MSH3: variants seen among roughly 807,000 people sequenced by gnomAD.
The protein encoded by MSH3 is DNA mismatch repair protein Msh3.
Under a neutral mutation model 123.3 loss-of-function variants are expected in MSH3, and 106 were observed. The observed-to-expected ratio is 0.86, with a 90% CI of 0.73 to 1.01. The LOEUF is 1.01. Ranked by LOEUF, MSH3 falls within the 50% of genes least tolerant of loss-of-function variation. The pLI, the probability that MSH3 is intolerant of heterozygous loss-of-function variation, is 0.00. For missense variants in MSH3, 1,459 were observed against 1,347.6 expected (o/e 1.08, Z -1.29); for synonymous variants, 515 against 481.4 (o/e 1.07, Z -0.91).
Position 80,876,540 on chromosome 5 carries a change from A to C in MSH3, c.*678A>C, listed in dbSNP as rs1746310836. ...GCTACTCCGGAGGCTGAGGCAGGAG[A>C]ATCTCTTGAACCTGGGAGGCGGAGG... On this transcript the variant is annotated 3_prime_UTR_variant, in exon 24 of 24. Transcript: ENST00000265081. The C allele has an allele frequency of 6.5e-6, 1 of 153,130 alleles. No individual in the cohort carries two copies. The highest frequency in any genetic ancestry group is 2.1e-4 in the South Asian group (1 of 4,820). The allele number at this position is 153,130 out of a possible 1,614,324, so 9.5% of individuals were successfully genotyped here.
intron 20 of MSH3, among the ~76,000 whole-genome samples, chr5:80,841,367 G>A (rs577823259): frequency 2.0e-5 from 3 of 152,192 alleles, no homozygotes; most frequent in Non-Finnish European, 4.4e-5. Context: ...ATGAACGTAC[G>A]TGTGCATGTG....
chr5:80,858,390 A>G (rs1311234665), intron 21 of MSH3, among the ~76,000 whole-genome samples: 1 of 152,162 alleles, frequency 6.6e-6, no homozygotes, highest in Non-Finnish European at 1.5e-5. Flanking sequence ...GCGGTTCCAC[A>G]AATTTTGATA....
At chr5:80,784,213 A>C (rs1387373638) in intron 17 of MSH3, among the ~76,000 whole-genome samples, 3 of 82,442 alleles carry the variant, frequency 3.6e-5, no homozygotes, top group African/African-American at 5.7e-5. Context: ...ACTACGTCGC[A>C]AAAAAAAAAA....
chr5:80,797,956 CTT>C (rs553888116), intron 19 of MSH3, among the ~76,000 whole-genome samples: 206 of 148,178 alleles, frequency 1.4e-3, no homozygotes, highest in African/African-American at 4.8e-3. Context: ...CCAAATGACT[CTT>C]TTTTTTTTAG....
At chr5:80,819,386 ATGTATATATG>A (rs1250294840) in intron 20 of MSH3, among the ~76,000 whole-genome samples, 5 of 62,336 alleles carry the variant, frequency 8.0e-5, no homozygotes, top group African/African-American at 1.1e-4. Context: ...ATGTGTATAT[ATGTATATATG>A]TGTATATATG....
chr5:80,814,367 G>T (rs1466722740), intron 20 of MSH3, among the ~76,000 whole-genome samples: 1 of 152,154 alleles, frequency 6.6e-6, no homozygotes, highest in African/African-American at 2.4e-5. Context: ...TGCCTCCCCA[G>T]TTCAAGCTAT....
At chr5:80,856,770 C>T (rs1745927947) in intron 21 of MSH3, among the ~76,000 whole-genome samples, 1 of 152,154 alleles carries the variant, frequency 6.6e-6, no homozygotes, top group Non-Finnish European at 1.5e-5. Context: ...ATCCTGCAAC[C>T]TTGCTGTAAT....
intron 12 of MSH3, 152 bp from the exon 13 acceptor site, chr5:80,761,394 G>A: frequency 1.1e-6 from 1 of 930,814 alleles, no homozygotes; most frequent in Admixed American, 2.0e-5. Flanking sequence ...TTTTGTCAGG[G>A]AGTCCTTCCC....
chr5:80,786,282 A>G (rs1337475008), intron 17 of MSH3, among the ~76,000 whole-genome samples: 1 of 152,184 alleles, frequency 6.6e-6, no homozygotes, highest in Non-Finnish European at 1.5e-5. Flanking sequence ...GGTGATAGGA[A>G]GAGCACAGTT....
intron 17 of MSH3, among the ~76,000 whole-genome samples, chr5:80,783,744 G>A (rs1316765710): frequency 6.6e-6 from 1 of 152,076 alleles, no homozygotes; most frequent in African/African-American, 2.4e-5. Flanking sequence ...TTGACCATTT[G>A]TTACTGCTAA....
At chr5:80,693,062 T>C (rs1428289890) in intron 8 of MSH3, among the ~76,000 whole-genome samples, 29 of 136,846 alleles carry the variant, frequency 2.1e-4, no homozygotes, top group African/African-American at 6.9e-4. Context: ...TATAGATAAA[T>C]ATACATGCAC....
rs539234712 is a variant in MSH3 at position 80,739,789 on chromosome 5, C to T, written c.1569-1675C>T. Reference sequence around the variant, plus strand: ...TCCTAATTTGAGGTAAAGTATTTCTCTTTTCCAGGGCTTTGGGGCCTTAGT... The same window carrying T: ...TCCTAATTTGAGGTAAAGTATTTCTTTTTTCCAGGGCTTTGGGGCCTTAGT... On this transcript the variant is annotated intron_variant, in intron 10 of 23. Transcript: ENST00000265081. Among the ~76,000 whole-genome samples, 11 of 152,306 alleles carry T rather than the reference C, an allele frequency of 7.2e-5. 1 individual carries two copies. The highest frequency in any genetic ancestry group is 7.2e-4 in the Admixed American group (11 of 15,298).
intron 2 of MSH3, among the ~76,000 whole-genome samples, chr5:80,662,407 GTATT>G (rs1197069313): frequency 6.6e-6 from 1 of 151,924 alleles, no homozygotes; most frequent in Non-Finnish European, 1.5e-5. Context: ...TAGGCAGTGA[GTATT>G]TATTATTCAT....
intron 20 of MSH3, among the ~76,000 whole-genome samples, chr5:80,827,106 CTTT>C (rs1389683697): frequency 1.3e-5 from 2 of 152,024 alleles, no homozygotes; most frequent in African/African-American, 4.8e-5. Flanking sequence ...CTCATCTAGC[CTTT>C]TAGACTCAGT....
At chr5:80,670,614 A>C (rs980572123) in intron 4 of MSH3, among the ~76,000 whole-genome samples, 6 of 152,236 alleles carry the variant, frequency 3.9e-5, no homozygotes, top group African/African-American at 1.4e-4. Context: ...AACCGTAATC[A>C]TGTAAATATG....
At chr5:80,741,006 G>A (rs1053673467) in intron 10 of MSH3, among the ~76,000 whole-genome samples, 1 of 152,168 alleles carries the variant, frequency 6.6e-6, no homozygotes, top group Non-Finnish European at 1.5e-5. Flanking sequence ...GTGAGCCACT[G>A]CACCTGGCCT....
intron 19 of MSH3, among the ~76,000 whole-genome samples, chr5:80,797,955 T>A (rs1176955262): frequency 3.3e-5 from 5 of 151,928 alleles, no homozygotes; most frequent in Non-Finnish European, 7.4e-5. Flanking sequence ...ACCAAATGAC[T>A]CTTTTTTTTT....
chr5:80,665,286 G>A lies in MSH3; in HGVS notation c.502G>A (p.Asp168Asn). 1 of 1,613,864 alleles carries A rather than the reference G, an allele frequency of 6.2e-7. No homozygotes were observed. Among genetic ancestry groups the A allele is most frequent in the Non-Finnish European group, 8.5e-7 (1 of 1,179,960 alleles). The change falls in exon 3 of 24, where the codon GAT becomes AAT. Residue 168 changes from aspartate (D) to asparagine (N), a missense_variant. By Grantham distance (23) the Asp-to-Asn change is conservative (BLOSUM62 1). Transcript: ENST00000265081. ...ERFAVLPKCT[D>N]FDDISLLHAK... ...ATTTGCAGTTCTGCCAAAATGTACT[G>A]ATTTTGATGATATCAGTCTTCTACA...
Position 80,784,249 on chromosome 5 carries a change from AT to A in MSH3, c.2436-3315del, listed in dbSNP as rs1306741730. On this transcript the variant is annotated intron_variant, in intron 17 of 23. Coordinates refer to ENST00000265081, the MANE Select transcript of MSH3 (RefSeq NM_002439.5). ...AAAAAAAAAAAAAAAAGGGAAATAAATAAATAAATAAATAAAGTCGAAGCCA... is the reference window on the plus strand; with the variant it reads ...AAAAAAAAAAAAAAAAGGGAAATAAAAAATAAATAAATAAAGTCGAAGCCA... 5.2e-4 allele frequency among the ~76,000 whole-genome samples: 74 copies of A among 143,376 alleles called. 4 individuals carry two copies. Among genetic ancestry groups the A allele is most frequent in the African/African-American group, 1.9e-3 (69 of 36,266 alleles). 94.1% of individuals were successfully genotyped at this position (143,376 alleles called of 152,430 possible).
Sources: allele counts gnomAD v4.1 joint callset (sites outside exome capture counted in the v4.1 genomes callset), GRCh38; gene constraint gnomAD v4.1.1; transcripts MANE v1.5; gene names NCBI Gene and HGNC (gene_info 2026-07-23, HGNC 2026-07-21).